FMN2: variants seen among roughly 807,000 people sequenced by gnomAD.
FMN2 encodes formin-2.
In FMN2, 51 loss-of-function variants were observed where a neutral mutation model predicts 142.3. The observed-to-expected ratio is 0.36, with a 90% CI of 0.29 to 0.45. FMN2 has a LOEUF of 0.45. Ranked by LOEUF, FMN2 falls within the 20% of genes least tolerant of loss-of-function variation. FMN2 has a pLI of 1.00. For synonymous variants in FMN2, 882 were observed against 869.8 expected, an observed-to-expected ratio of 1.01 and a Z score of -0.25; for missense variants, 1,936 against 2,122.8, an observed-to-expected ratio of 0.91 and a Z score of 1.73.
chr1:240,174,855 C>T (rs1293783175), intron 2 of FMN2, among the ~76,000 whole-genome samples: 1 of 152,004 alleles, frequency 6.6e-6, no homozygotes, highest in Non-Finnish European at 1.5e-5. Flanking sequence ...ATTAATTTAC[C>T]ACCTTAACCA....
chr1:240,314,618 C>T (rs1463646744), intron 8 of FMN2, among the ~76,000 whole-genome samples: 3 of 152,166 alleles, frequency 2.0e-5, no homozygotes, highest in East Asian at 1.9e-4. Context: ...CTTTCATGTT[C>T]GTTTCATCCT....
chr1:240,407,284 C>T (rs770567938), intron 15 of FMN2, among the ~76,000 whole-genome samples: 2 of 151,998 alleles, frequency 1.3e-5, no homozygotes, highest in Non-Finnish European at 2.9e-5. Context: ...ATTACAGGCG[C>T]GCGCCACTGC....
At position 240,474,385 on chromosome 1, in the gene FMN2, A is replaced by G. The variant is rs1179388184; in HGVS notation, c.*231A>G. 2.2e-6 allele frequency: 1 copy of G among 459,370 alleles called. No homozygotes were observed. The highest frequency in any genetic ancestry group is 4.5e-5 in the South Asian group (1 of 22,356). The allele number at this position is 459,370 out of a possible 1,614,324, so 28.5% of individuals were successfully genotyped here. A position where few individuals can be genotyped will look rare whatever the true frequency, so the allele number is the denominator to read the frequency against. ...ATTTGACACCTTTTCTTTTTGTAAA[A>G]GTTTATGGTATTATACCGATAGACC... On this transcript the variant is annotated 3_prime_UTR_variant, in exon 18 of 18. Coordinates refer to ENST00000319653, the MANE Select transcript of FMN2 (RefSeq NM_020066.5).
At chr1:240,242,740 C>A (rs1667952509) in intron 6 of FMN2, among the ~76,000 whole-genome samples, 1 of 152,292 alleles carries the variant, frequency 6.6e-6, no homozygotes, top group Admixed American at 6.5e-5. Context: ...GCAGGACAAA[C>A]AAAGCAAGAC....
At chr1:240,403,648 A>G (rs982783484) in intron 15 of FMN2, among the ~76,000 whole-genome samples, 1 of 152,196 alleles carries the variant, frequency 6.6e-6, no homozygotes, top group Non-Finnish European at 1.5e-5. Context: ...AGATATCTAG[A>G]AAGATTATAT....
intron 4 of FMN2, among the ~76,000 whole-genome samples, chr1:240,189,629 GT>G (rs1478388232): frequency 6.6e-6 from 1 of 152,198 alleles, no homozygotes; most frequent in Non-Finnish European, 1.5e-5. Flanking sequence ...ATGCGGCTAG[GT>G]TAGCTATCCT....
At chr1:240,433,526 C>T (rs755718809) in intron 15 of FMN2, among the ~76,000 whole-genome samples, 3 of 152,170 alleles carry the variant, frequency 2.0e-5, no homozygotes, top group East Asian at 1.9e-4. Context: ...TTTCTCTCAA[C>T]GCAGAGCTTA....
Position 240,092,622 on chromosome 1 carries a change from T to C in FMN2, c.513T>C (p.Asp171=). 1 of 1,613,962 alleles carries C rather than the reference T, an allele frequency of 6.2e-7. No homozygotes were observed. The highest frequency in any genetic ancestry group is 1.1e-5 in the South Asian group (1 of 91,082). Residue 171 remains aspartate, a synonymous_variant, in exon 1 of 18, where the codon GAT becomes GAC. Transcript: ENST00000319653. The part of the protein sequence containing the change: ...EDVETAAGAQ[D]GQRTSSGSDT... Reference sequence around the variant, plus strand: ...TGGAAACTGCAGCAGGGGCGCAGGATGGACAAAGGACCAGCTCGGGCTCGG... The same window carrying C: ...TGGAAACTGCAGCAGGGGCGCAGGACGGACAAAGGACCAGCTCGGGCTCGG...
At chr1:240,344,130 A>C (rs1447128421) in intron 13 of FMN2, among the ~76,000 whole-genome samples, 1 of 152,246 alleles carries the variant, frequency 6.6e-6, no homozygotes, top group Non-Finnish European at 1.5e-5. Context: ...ATGTCTTGAA[A>C]GTACTGCTCT....
At chr1:240,239,080 T>G (rs937717251) in intron 6 of FMN2, among the ~76,000 whole-genome samples, 1 of 152,216 alleles carries the variant, frequency 6.6e-6, no homozygotes, top group African/African-American at 2.4e-5. Context: ...TTAAATGAAC[T>G]CTATACTTGA....
chr1:240,408,974 C>T (rs188374466), intron 15 of FMN2, among the ~76,000 whole-genome samples: 1 of 152,040 alleles, frequency 6.6e-6, no homozygotes, highest in Non-Finnish European at 1.5e-5. Flanking sequence ...CTTCCTTTTC[C>T]CCTTTCACAT....
intron 14 of FMN2, among the ~76,000 whole-genome samples, chr1:240,380,751 GAAC>G (rs1304614737): frequency 6.9e-6 from 1 of 145,412 alleles, no homozygotes; most frequent in African/African-American, 2.5e-5. Context: ...GATCAGAGCA[GAAC>G]TAAATGAGAT....
rs71567282 is a variant in FMN2, at chr1:240,241,825, C to CT, written c.4066-16091dup. ...ATTTTCTTTATTTTAGTGTGCCTTG[C>CT]TTTTTTTTTTTTTTTTTTTTTTTTT... On this transcript the variant is annotated intron_variant, in intron 6 of 17. Transcript: ENST00000319653. 4.5e-3 allele frequency among the ~76,000 whole-genome samples: 431 copies of CT among 96,052 alleles called. 81 individuals are homozygous for CT. The highest frequency in any genetic ancestry group is 5.2e-3 in the African/African-American group (136 of 26,266). The allele number at this position is 96,052 out of a possible 152,430, so 63.0% of individuals were successfully genotyped here. A position where few individuals can be genotyped will look rare whatever the true frequency, so the allele number is the denominator to read the frequency against.
At chr1:240,468,170 C>G (rs984209830) in intron 16 of FMN2, among the ~76,000 whole-genome samples, 1 of 151,338 alleles carries the variant, frequency 6.6e-6, no homozygotes, top group African/African-American at 2.4e-5. Flanking sequence ...TGGGTAGTCC[C>G]CCTTTGTGTG....
chr1:240,438,083 T>C lies in FMN2; in HGVS notation c.4933T>C (p.Phe1645Leu), dbSNP rs752808030. The change falls in exon 16 of 18, where the codon TTC (phenylalanine) becomes CTC (leucine). Residue 1645 changes from phenylalanine to leucine, a missense_variant. Physicochemically the swap from Phe to Leu is conservative, Grantham distance 22. This residue lies in a region of FMN2 where 322 missense variants were observed against 401.6 expected (regional missense o/e 0.80). Coordinates refer to ENST00000319653, the MANE Select transcript of FMN2 (RefSeq NM_020066.5). Reference protein sequence around the residue: ...HKCFLETTAYFFMKPKLGEKE... With the variant: ...HKCFLETTAYLFMKPKLGEKE... ...CAGCTTTTTGGAGACCACGGCATAT[T>C]TCTTCATGAAACCAAAACTTGGAGA... The C allele has an allele frequency of 6.2e-7, 1 of 1,614,004 alleles. No homozygotes were observed. The highest frequency in any genetic ancestry group is 8.5e-7 in the Non-Finnish European group (1 of 1,179,974).
At chr1:240,178,089 C>A in intron 3 of FMN2, 21 bp downstream of exon 3, 2 of 1,552,758 alleles carry the variant, frequency 1.3e-6, no homozygotes, top group Non-Finnish European at 1.7e-6. Context: ...CCTTTGTCTT[C>A]AGAGATAACT....
intron 15 of FMN2, among the ~76,000 whole-genome samples, chr1:240,431,405 TATATATATA>T (rs1558487487): frequency 2.7e-4 from 5 of 18,636 alleles, no homozygotes; most frequent in African/African-American, 4.5e-4. Context: ...CCATGTTTTA[TATATATATA>T]TATATATATA....
chr1:240,422,771 T>C lies in FMN2; in HGVS notation c.4911-15290T>C, dbSNP rs994458132. Among the ~76,000 whole-genome samples, 7 of 152,222 alleles carry C rather than the reference T, an allele frequency of 4.6e-5. No individual in the cohort carries two copies. In the South Asian group the frequency reaches 1.4e-3, roughly 31 times the overall value. ...TATTGCAATAAATATAAGACAAATATACGCTGACTATAATGGTCTGATTCC... is the reference window on the plus strand; with the variant it reads ...TATTGCAATAAATATAAGACAAATACACGCTGACTATAATGGTCTGATTCC... On this transcript the variant is annotated intron_variant, in intron 15 of 17. Coordinates refer to ENST00000319653, the MANE Select transcript of FMN2 (RefSeq NM_020066.5).
intron 13 of FMN2, among the ~76,000 whole-genome samples, chr1:240,347,256 A>G (rs986957366): frequency 1.3e-5 from 2 of 152,214 alleles, no homozygotes; most frequent in African/African-American, 4.8e-5. Flanking sequence ...GGCCAGGGGA[A>G]TAAAGTGAAA....
Sources: gnomAD v4.1 joint callset for allele counts (sites outside exome capture counted in the v4.1 genomes callset) on GRCh38, gnomAD v4.1.1 for gene constraint, gnomAD v4.1.1 regional missense constraint, MANE v1.5 for transcripts, NCBI Gene and HGNC (gene_info 2026-07-23, HGNC 2026-07-21) for gene names.